SUPT3H: variants seen among roughly 807,000 people sequenced by gnomAD.
SUPT3H encodes the protein SPT3 homolog, SAGA and STAGA complex component.
A neutral mutation model predicts 44.3 loss-of-function variants in SUPT3H; 44 were observed. The observed-to-expected ratio is 0.99, with a 90% CI of 0.78 to 1.28. The LOEUF (loss-of-function observed/expected upper bound fraction) is 1.28. SUPT3H is among the 50% of genes most tolerant of loss of function. The probability of loss-of-function intolerance (pLI) is 0.00; values close to 1 mark genes in which losing one functional copy is unlikely to be tolerated. For synonymous variants in SUPT3H, 124 were observed against 125.6 expected (o/e 0.99, Z 0.09); for missense variants, 380 against 387.1 (o/e 0.98, Z 0.15).
At position 45,063,355 on chromosome 6, in the gene SUPT3H, TG is replaced by T; in HGVS notation, c.186+42566del. 3.3e-5 allele frequency among the ~76,000 whole-genome samples: 5 copies of T among 150,886 alleles called. No homozygotes were observed. The South Asian group carries it at 1.0e-3, about 32-fold the overall frequency. On this transcript the variant is annotated intron_variant, in intron 3 of 10. Coordinates refer to ENST00000371459, the MANE Select transcript of SUPT3H (RefSeq NM_003599.4). ...CCAAAAGTACATAAAACCACAAAGA[TG>T]GGGAAAAAACAGAACAGAAACTGGA...
At chr6:45,126,075 T>A (rs1216290816) in intron 2 of SUPT3H, among the ~76,000 whole-genome samples, 1 of 152,190 alleles carries the variant, frequency 6.6e-6, no homozygotes, top group Admixed American at 6.5e-5. Flanking sequence ...CATTTCAATG[T>A]CACCTGGATG....
At chr6:45,111,368 G>A (rs1800031673) in intron 2 of SUPT3H, among the ~76,000 whole-genome samples, 1 of 151,942 alleles carries the variant, frequency 6.6e-6, no homozygotes, top group South Asian at 2.1e-4. Context: ...ATTTATTGGT[G>A]TTAGAAAATC....
At chr6:44,868,646 C>T (rs1328123639) in intron 10 of SUPT3H, among the ~76,000 whole-genome samples, 1 of 152,200 alleles carries the variant, frequency 6.6e-6, no homozygotes, top group Non-Finnish European at 1.5e-5. Context: ...CCATTTCTGC[C>T]TGTGGGGGTC....
intron 2 of SUPT3H, among the ~76,000 whole-genome samples, chr6:45,186,895 G>A (rs924832580): frequency 3.3e-5 from 5 of 151,842 alleles, no homozygotes; most frequent in East Asian, 3.9e-4. Flanking sequence ...TGTTCCCTCC[G>A]GTTTATTACC....
At chr6:44,894,569 CT>C (rs1338122293) in intron 10 of SUPT3H, among the ~76,000 whole-genome samples, 1 of 152,056 alleles carries the variant, frequency 6.6e-6, no homozygotes, top group Non-Finnish European at 1.5e-5. Flanking sequence ...CTGTTCTGTT[CT>C]ATTGATGTAT....
At chr6:45,075,825 T>C (rs1177555820) in intron 3 of SUPT3H, among the ~76,000 whole-genome samples, 3 of 152,140 alleles carry the variant, frequency 2.0e-5, no homozygotes, top group East Asian at 3.8e-4. Flanking sequence ...AGAAGTCTTC[T>C]TCCTGATTTA....
chr6:44,876,393 T>A (rs1379949630), intron 10 of SUPT3H, among the ~76,000 whole-genome samples: 1 of 99,824 alleles, frequency 1.0e-5, no homozygotes, highest in East Asian at 3.2e-4. Flanking sequence ...CTCAGTAAAC[T>A]ATCGCAAGAA....
chr6:45,373,448 G>A (rs771179602), intron 1 of SUPT3H, among the ~76,000 whole-genome samples: 9 of 152,102 alleles, frequency 5.9e-5, no homozygotes, highest in Non-Finnish European at 1.2e-4. Flanking sequence ...CCAAGAAAAT[G>A]TTGGTTCTCC....
intron 2 of SUPT3H, among the ~76,000 whole-genome samples, chr6:45,355,436 T>C (rs1029007564): frequency 2.8e-4 from 43 of 152,160 alleles, no homozygotes; most frequent in African/African-American, 9.9e-4. Flanking sequence ...CCCCTACCCA[T>C]AAAATTTCCA....
chr6:45,238,202 A>G (rs1185692101), intron 2 of SUPT3H, among the ~76,000 whole-genome samples: 1 of 152,164 alleles, frequency 6.6e-6, no homozygotes, highest in African/African-American at 2.4e-5. Context: ...AACTCGAGAA[A>G]TACTACTCCA....
chr6:45,014,343 A>C (rs1562261096), intron 5 of SUPT3H, among the ~76,000 whole-genome samples: 1 of 152,122 alleles, frequency 6.6e-6, no homozygotes, highest in Non-Finnish European at 1.5e-5. Flanking sequence ...GCTATCATTC[A>C]TTTAGTGGCA....
At chr6:45,263,589 T>C (rs1228004010) in intron 2 of SUPT3H, among the ~76,000 whole-genome samples, 1 of 152,000 alleles carries the variant, frequency 6.6e-6, no homozygotes, top group Non-Finnish European at 1.5e-5. Context: ...TAACATGCAA[T>C]TTACCCACGT....
At chr6:45,054,820 G>A (rs1219814299) in intron 3 of SUPT3H, among the ~76,000 whole-genome samples, 1 of 152,102 alleles carries the variant, frequency 6.6e-6, no homozygotes, top group Non-Finnish European at 1.5e-5. Flanking sequence ...ACCACAGGCA[G>A]ACTTGTAAAC....
intron 2 of SUPT3H, chr6:45,321,696 T>C: frequency 1.2e-6 from 1 of 852,674 alleles, no homozygotes; most frequent in Non-Finnish European, 1.8e-6. Flanking sequence ...AAGCACCAGA[T>C]CTTTCTCTAA....
At chr6:45,134,008 A>G (rs1803883781) in intron 2 of SUPT3H, among the ~76,000 whole-genome samples, 1 of 152,194 alleles carries the variant, frequency 6.6e-6, no homozygotes, top group African/African-American at 2.4e-5. Context: ...AATCTCATTA[A>G]TAAAGTTTGT....
intron 2 of SUPT3H, among the ~76,000 whole-genome samples, chr6:45,181,155 A>T (rs1813093547): frequency 1.5e-5 from 2 of 137,106 alleles, no homozygotes; most frequent in African/African-American, 5.6e-5. Context: ...GCAAATCAAA[A>T]CCACAATGAG....
chr6:45,147,269 AAAAAAG>A (rs1402625489), intron 2 of SUPT3H, among the ~76,000 whole-genome samples: 2 of 152,136 alleles, frequency 1.3e-5, no homozygotes, highest in South Asian at 2.1e-4. Flanking sequence ...TCGTTTTAGA[AAAAAAG>A]AAAAAGAAAT....
chr6:44,881,828 C>T (rs1024707816), intron 10 of SUPT3H, among the ~76,000 whole-genome samples: 1 of 151,980 alleles, frequency 6.6e-6, no homozygotes, highest in Non-Finnish European at 1.5e-5. Context: ...ATAAGTTCTT[C>T]GAAGCCAATG....
At chr6:45,166,672 T>C (rs1809934282) in intron 2 of SUPT3H, among the ~76,000 whole-genome samples, 1 of 145,200 alleles carries the variant, frequency 6.9e-6, no homozygotes, top group African/African-American at 2.5e-5. Flanking sequence ...AGTAAAAGGA[T>C]AAAACAAAAA....
Sources: gnomAD v4.1 joint callset for allele counts (sites outside exome capture counted in the v4.1 genomes callset) on GRCh38, gnomAD v4.1.1 for gene constraint, MANE v1.5 for transcripts, NCBI Gene and HGNC (gene_info 2026-07-23, HGNC 2026-07-21) for gene names.